The following RABGAP1L variants were observed in gnomAD, a reference collection of about 807,000 sequenced individuals.
RABGAP1L encodes rab GTPase-activating protein 1-like.
In RABGAP1L, 63 loss-of-function variants were observed where a neutral mutation model predicts 137.7. The observed-to-expected ratio is 0.46, with a 90% CI of 0.37 to 0.56. The LOEUF is 0.56. RABGAP1L is among the 20% of genes least tolerant of loss of function. RABGAP1L has a pLI of 0.00. For synonymous variants in RABGAP1L, 431 were observed against 433.7 expected (o/e 0.99, Z 0.08); for missense variants, 1,095 against 1,244.0 (o/e 0.88, Z 1.80).
intron 19 of RABGAP1L, among the ~76,000 whole-genome samples, chr1:174,872,700 C>T (rs1652401455): frequency 6.6e-6 from 1 of 151,864 alleles, no homozygotes; most frequent in South Asian, 2.1e-4. Flanking sequence ...GCTACCATGC[C>T]TGGCTGATTT....
intron 18 of RABGAP1L, among the ~76,000 whole-genome samples, chr1:174,792,325 A>G (rs1190565492): frequency 6.6e-6 from 1 of 152,236 alleles, no homozygotes; most frequent in Non-Finnish European, 1.5e-5. Context: ...TTGAAGTAGC[A>G]AGCATGATTG....
In RABGAP1L at chr1:174,282,714, TTA is replaced by T. The variant is rs1675685052; in HGVS notation, c.1323+3937_1323+3938del. ...TACCTCAAGGTTGTGAAGATGTTCT[TTA>T]TGTTTTCCTGTAAAGACTTTATAGT... is the stretch of plus-strand genomic sequence containing the variant. On this transcript the variant is annotated intron_variant, in intron 10 of 25. Coordinates refer to ENST00000681986, the MANE Select transcript of RABGAP1L (RefSeq NM_001366446.1). 3.3e-5 allele frequency among the ~76,000 whole-genome samples: 5 copies of T among 152,184 alleles called. No individual in the cohort carries two copies. The South Asian group carries it at 1.0e-3, about 32-fold the overall frequency.
At chr1:174,491,827 T>C (rs1030340339) in intron 13 of RABGAP1L, among the ~76,000 whole-genome samples, 1 of 152,190 alleles carries the variant, frequency 6.6e-6, no homozygotes, top group African/African-American at 2.4e-5. Flanking sequence ...GGCTGTCAGC[T>C]AAGTACAGCC....
intron 13 of RABGAP1L, among the ~76,000 whole-genome samples, chr1:174,428,497 A>G (rs575805620): frequency 6.6e-6 from 1 of 152,296 alleles, no homozygotes; most frequent in East Asian, 1.9e-4. Flanking sequence ...GATTTTCCAA[A>G]CCTCAGTGGG....
intron 19 of RABGAP1L, among the ~76,000 whole-genome samples, chr1:174,896,618 A>G (rs1342186119): frequency 6.6e-6 from 1 of 152,196 alleles, no homozygotes; most frequent in Non-Finnish European, 1.5e-5. Flanking sequence ...ATTTTTGTAT[A>G]AGGTATAAGG....
chr1:174,686,655 T>G (rs1678484591), intron 15 of RABGAP1L, among the ~76,000 whole-genome samples: 1 of 106,576 alleles, frequency 9.4e-6, no homozygotes, highest in Non-Finnish European at 1.6e-5. Flanking sequence ...AATCTTTTTT[T>G]TTTTTTTTTT....
chr1:174,548,191 C>A, intron 13 of RABGAP1L: 1 of 1,444,194 alleles, frequency 6.9e-7, no homozygotes, highest in Non-Finnish European at 9.1e-7. Context: ...CATAATCTCT[C>A]AGGGTGAAGG....
At chr1:174,656,459 A>G (rs780836015) in intron 14 of RABGAP1L, among the ~76,000 whole-genome samples, 1 of 152,212 alleles carries the variant, frequency 6.6e-6, no homozygotes, top group Non-Finnish European at 1.5e-5. Flanking sequence ...CTCCTTCTCA[A>G]TAAATAGAAT....
At chr1:174,766,228 A>T (rs1685659146) in intron 18 of RABGAP1L, among the ~76,000 whole-genome samples, 1 of 152,214 alleles carries the variant, frequency 6.6e-6, no homozygotes, top group Non-Finnish European at 1.5e-5. Flanking sequence ...GTGAGAAAAT[A>T]AATCACTGTT....
intron 12 of RABGAP1L, among the ~76,000 whole-genome samples, chr1:174,378,228 T>C (rs1685748932): frequency 6.6e-6 from 1 of 151,272 alleles, no homozygotes; most frequent in African/African-American, 2.4e-5. Context: ...CTATTGTGAA[T>C]AATGCCGCAA....
At chr1:174,393,856 T>C in intron 12 of RABGAP1L, 139 bp from the exon 13 acceptor site, 1 of 829,604 alleles carries the variant, frequency 1.2e-6, no homozygotes, top group Admixed American at 2.9e-5. Context: ...TAAGCAGTAC[T>C]ATTGTTTAAT....
intron 11 of RABGAP1L, among the ~76,000 whole-genome samples, chr1:174,346,466 T>C (rs1460362437): frequency 6.6e-6 from 1 of 152,178 alleles, no homozygotes; most frequent in Non-Finnish European, 1.5e-5. Flanking sequence ...TGGTTCTATC[T>C]TGGTAAGTTG....
intron 13 of RABGAP1L, among the ~76,000 whole-genome samples, chr1:174,414,865 T>C (rs531973476): frequency 9.2e-5 from 14 of 152,012 alleles, no homozygotes; most frequent in Non-Finnish European, 2.1e-4. Context: ...CATACATCTA[T>C]TGAAAACTAG....
rs147728544 is a variant in RABGAP1L, at chr1:174,584,579, A to T, written c.1711-52796A>T. ...TCCATCTCAACAGTGACATTTAAAA[A>T]TTAGCTAGGTGACAGAGTGAGCTTC... is the stretch of plus-strand genomic sequence containing the variant. On this transcript the variant is annotated intron_variant, in intron 13 of 25. Transcript: ENST00000681986. Among the ~76,000 whole-genome samples, 27 of 152,320 alleles carry T rather than the reference A, an allele frequency of 1.8e-4. No individual in the cohort carries two copies. The East Asian group carries it at 5.0e-3, about 28-fold the overall frequency.
At chr1:174,558,116 A>G (rs908994557) in intron 13 of RABGAP1L, among the ~76,000 whole-genome samples, 1 of 152,240 alleles carries the variant, frequency 6.6e-6, no homozygotes, top group African/African-American at 2.4e-5. Context: ...TTGAAGAGAG[A>G]AAAATTTTAA....
chr1:174,743,931 A>G (rs1414537285), intron 17 of RABGAP1L, among the ~76,000 whole-genome samples: 1 of 151,664 alleles, frequency 6.6e-6, no homozygotes, highest in East Asian at 1.9e-4. Context: ...TGGAAAATAT[A>G]TAATTAAGCT....
intron 13 of RABGAP1L, among the ~76,000 whole-genome samples, chr1:174,408,544 C>T (rs547669147): frequency 4.0e-4 from 61 of 151,972 alleles, no homozygotes; most frequent in African/African-American, 1.4e-3. Flanking sequence ...TGTGTCTTTT[C>T]GATAGAAATA....
intron 11 of RABGAP1L, among the ~76,000 whole-genome samples, chr1:174,309,904 G>T (rs1471064810): frequency 6.6e-6 from 1 of 152,032 alleles, no homozygotes; most frequent in Non-Finnish European, 1.5e-5. Flanking sequence ...CTGTTCTCTT[G>T]AAATTTTTGG....
intron 13 of RABGAP1L, among the ~76,000 whole-genome samples, chr1:174,457,637 G>A (rs1056583342): frequency 2.8e-4 from 42 of 151,854 alleles, no homozygotes; most frequent in African/African-American, 9.7e-4. Context: ...CAAGTAGCTG[G>A]GACTACAGGT....
Sources: allele counts gnomAD v4.1 joint callset (sites outside exome capture counted in the v4.1 genomes callset), GRCh38; gene constraint gnomAD v4.1.1; transcripts MANE v1.5; gene names NCBI Gene and HGNC (gene_info 2026-07-23, HGNC 2026-07-21).